Variants in SPSB3 observed in about 807,000 individuals in gnomAD.
SPSB3 encodes the protein SPRY domain-containing SOCS box protein 3.
SPSB3 carries 18 observed loss-of-function variants against 29.5 expected under a neutral mutation model. The ratio of observed to expected loss-of-function variants is 0.61; its 90% confidence interval spans 0.42 to 0.91. SPSB3 has a LOEUF of 0.91. SPSB3 is among the 40% of genes least tolerant of loss of function. The pLI, the probability that SPSB3 is intolerant of heterozygous loss-of-function variation, is 0.00. For synonymous variants in SPSB3, 299 were observed against 214.1 expected, an observed-to-expected ratio of 1.40 and a Z score of -3.46; for missense variants, 540 against 507.5, an observed-to-expected ratio of 1.06 and a Z score of -0.61.
At chr16:1,778,411 G>C (rs1278545489) in intron 3 of SPSB3, 24 bp downstream of exon 3, 11 of 1,605,654 alleles carry the variant, frequency 6.9e-6, no homozygotes, top group Non-Finnish European at 9.4e-6. Context: ...TGCAGTCCCA[G>C]CAGGGGCTGG....
rs1431168498 is a variant in SPSB3, at chr16:1,781,501, A to T, written c.-12-6T>A. On this transcript the variant is annotated splice_polypyrimidine_tract_variant and splice_region_variant and intron_variant, in intron 1 of 6. Transcript: ENST00000566339. ...CTGGCCATGGTGGAAAGAATCTAGA[A>T]GAAAACACAGGCTCTGGGCAAAGGA... 1 of 1,610,506 alleles carries T rather than the reference A, an allele frequency of 6.2e-7. No homozygotes were observed.
Position 1,777,830 on chromosome 16 carries a change from C to G in SPSB3, c.638G>C (p.Arg213Pro). The change falls in exon 6 of 7, where the codon CGG (arginine) becomes CCG (proline). Residue 213 changes from arginine (R) to proline (P), a missense_variant. By Grantham distance (103) the Arg-to-Pro change is moderately radical. Coordinates refer to ENST00000566339, the MANE Select transcript of SPSB3 (RefSeq NM_080861.4). ...HKGDKTSFSS[R>P]FGQGSIIGVH... ...GCCAATGATGGAGCCCTGGCCGAAC[C>G]GCGATGAGAAGCTGGTCTTGTCGCC... 1 of 1,612,832 alleles carries G rather than the reference C, an allele frequency of 6.2e-7. No individual in the cohort carries two copies. Among genetic ancestry groups the G allele is most frequent in the Non-Finnish European group, 8.5e-7 (1 of 1,179,880 alleles).
rs140852942 is a variant in SPSB3, at chr16:1,777,107, C to T, written c.1058G>A (p.Arg353His). Reference sequence around the variant, plus strand: ...CCACTGGGAAGTCAGTCAGGTCCGGCGGCAGCGCTTCCTCTGGCAGGGCCG... The same window carrying T: ...CCACTGGGAAGTCAGTCAGGTCCGGTGGCAGCGCTTCCTCTGGCAGGGCCG... Reference protein sequence around the residue: ...EPRPCQRKRCRRT With the variant: ...EPRPCQRKRCHRT Residue 353 changes from arginine to histidine, a missense_variant, in exon 7 of 7, where the codon CGC (arginine) becomes CAC (histidine). Physicochemically the swap from Arg to His is conservative, Grantham distance 29 (BLOSUM62 0). Transcript: ENST00000566339. 1.7e-5 allele frequency: 28 copies of T among 1,610,766 alleles called. No individual in the cohort carries two copies. In the African/African-American group the frequency reaches 2.8e-4, roughly 16 times the overall value.
Position 1,778,535 on chromosome 16 carries a change from C to A in SPSB3, c.204G>T (p.Glu68Asp). Reference protein sequence around the residue: ...SIPSAVPVTGESFCDCAGQSE... With the variant: ...SIPSAVPVTGDSFCDCAGQSE... Reference sequence around the variant, plus strand: ...TCTGCCCAGCACAGTCACAGAAGGACTCGCCGGTCACGGGCACCGCACTGG... The same window carrying A: ...TCTGCCCAGCACAGTCACAGAAGGAATCGCCGGTCACGGGCACCGCACTGG... The change falls in exon 3 of 7, where the codon GAG (glutamate) becomes GAT (aspartate). Residue 68 changes from glutamate to aspartate, a missense_variant. Transcript: ENST00000566339. 1.2e-6 allele frequency: 2 copies of A among 1,609,472 alleles called. No homozygotes were observed. Among genetic ancestry groups the A allele is most frequent in the Non-Finnish European group, 1.7e-6 (2 of 1,177,608 alleles).
chr16:1,777,533 G>A lies in SPSB3; in HGVS notation c.722-90C>T, dbSNP rs2042732537. On this transcript the variant is annotated intron_variant, in intron 6 of 6. Coordinates refer to ENST00000566339, the MANE Select transcript of SPSB3 (RefSeq NM_080861.4). Reference sequence around the variant, plus strand: ...TCAGACCTCACGCTACAGTCACCCGGGTGGGCAGCTGGCACAGCTGAGGCA... The same window carrying A: ...TCAGACCTCACGCTACAGTCACCCGAGTGGGCAGCTGGCACAGCTGAGGCA... 6.5e-6 allele frequency: 9 copies of A among 1,390,122 alleles called. No individual in the cohort carries two copies. In the South Asian group the frequency reaches 1.2e-4, roughly 18 times the overall value. The allele number at this position is 1,390,122 out of a possible 1,614,324, so 86.1% of individuals were successfully genotyped here. A position where few individuals can be genotyped will look rare whatever the true frequency, so the allele number is the denominator to read the frequency against.
At chr16:1,778,642 T>A (rs2042750615) in intron 2 of SPSB3, 30 bp from the exon 3 acceptor site, 1 of 1,523,960 alleles carries the variant, frequency 6.6e-7, no homozygotes, top group Non-Finnish European at 8.8e-7. Flanking sequence ...TGTTACTACC[T>A]GTTGCCCGCT....
In SPSB3 at chr16:1,777,189, C is replaced by A; in HGVS notation, c.976G>T (p.Ala326Ser). Residue 326 changes from alanine to serine, a missense_variant, in exon 7 of 7, where the codon GCT becomes TCT. By Grantham distance (99) the Ala-to-Ser change is moderately conservative. Transcript: ENST00000566339. The part of the protein sequence containing the change: ...VLSMSCSRRK[A>S]PVSDPQAATS... Reference sequence around the variant, plus strand: ...GCTGCCTGGGGATCGGACACTGGAGCCTTGCGGCGGCTGCAACTCATGCTC... The same window carrying A: ...GCTGCCTGGGGATCGGACACTGGAGACTTGCGGCGGCTGCAACTCATGCTC... The A allele has an allele frequency of 6.2e-7, 1 of 1,610,652 alleles. No homozygotes were observed.
intron 1 of SPSB3, 189 bp from the exon 2 acceptor site, chr16:1,781,684 T>C (rs1422250694): frequency 6.6e-6 from 4 of 606,462 alleles, no homozygotes; most frequent in African/African-American, 1.9e-5. Context: ...AAAACCCAGG[T>C]AGATCCTGTG....
At position 1,777,059 on chromosome 16, in the gene SPSB3, T is replaced by G; in HGVS notation, c.*38A>C. 6.3e-7 allele frequency: 1 copy of G among 1,592,472 alleles called. No homozygotes were observed. Among genetic ancestry groups the G allele is most frequent in the Non-Finnish European group, 8.6e-7 (1 of 1,167,756 alleles). ...GAAAGAAGGGACAGAGGAAAGGGGCTGTCCCAGCCCAAGAAGGCAGTTCCA... is the reference window on the plus strand; with the variant it reads ...GAAAGAAGGGACAGAGGAAAGGGGCGGTCCCAGCCCAAGAAGGCAGTTCCA... On this transcript the variant is annotated 3_prime_UTR_variant, in exon 7 of 7. Coordinates refer to ENST00000566339, the MANE Select transcript of SPSB3 (RefSeq NM_080861.4).
chr16:1,780,802 G>A (rs113818102), intron 2 of SPSB3: 7,870 of 248,296 alleles, frequency 0.032, 232 homozygotes, highest in African/African-American at 0.077. Context: ...GTGTGATCAC[G>A]GCTCACTGCA....
rs201090527 is a variant in SPSB3 at position 1,781,466 on chromosome 16, C to T, written c.18G>A (p.Arg6=). The T allele has an allele frequency of 3.5e-4, 567 of 1,612,624 alleles. No individual in the cohort carries two copies. The highest frequency in any genetic ancestry group is 1.5e-3 in the Admixed American group (90 of 60,014). The part of the protein sequence containing the change: MARRP[R]NSRAWHFVLS... ...GGACGAAGTGCCAGGCCCTGCTGTTCCGGGGGCGTCTGGCCATGGTGGAAA... is the reference window on the plus strand; with the variant it reads ...GGACGAAGTGCCAGGCCCTGCTGTTTCGGGGGCGTCTGGCCATGGTGGAAA... The change falls in exon 2 of 7, where the codon CGG becomes CGA. Residue 6 remains arginine (R), a synonymous_variant. Coordinates refer to ENST00000566339, the MANE Select transcript of SPSB3 (RefSeq NM_080861.4).
At chr16:1,781,600 C>G in intron 1 of SPSB3, 105 bp from the exon 2 acceptor site, 1 of 1,255,004 alleles carries the variant, frequency 8.0e-7, no homozygotes, top group Non-Finnish European at 1.1e-6. Context: ...CTGCAGGGGC[C>G]GCACCGGTGC....
rs1034962952 is a variant in SPSB3 at position 1,776,979 on chromosome 16, C to G, written c.*118G>C. ...CCTCGGGAGCAAGAGATGGCTCCCT[C>G]CGGACGGGCCTCATCCAACTCCGCC... On this transcript the variant is annotated 3_prime_UTR_variant, in exon 7 of 7. Transcript: ENST00000566339. The G allele has an allele frequency of 1.7e-6, 2 of 1,200,164 alleles. No individual in the cohort carries two copies. The highest frequency in any genetic ancestry group is 1.5e-5 in the African/African-American group (1 of 65,808). The allele number at this position is 1,200,164 out of a possible 1,614,324, so 74.3% of individuals were successfully genotyped here.
Position 1,776,926 on chromosome 16 carries a change from A to G in SPSB3, c.*171T>C. On this transcript the variant is annotated 3_prime_UTR_variant, in exon 7 of 7. Transcript: ENST00000566339. ...CCCAGCACAGCAGCAGAGGGGCCCT[A>G]GAGCCCCCACAGAAAGGACTGTCCC... 1 of 746,856 alleles carries G rather than the reference A, an allele frequency of 1.3e-6. No homozygotes were observed. Among genetic ancestry groups the G allele is most frequent in the Non-Finnish European group, 2.1e-6 (1 of 472,160 alleles). The allele number at this position is 746,856 out of a possible 1,614,324, so 46.3% of individuals were successfully genotyped here.
rs943548324 is a variant in SPSB3, at chr16:1,778,011, T to C, written c.530A>G (p.Lys177Arg). Residue 177 changes from lysine to arginine, a missense_variant, in exon 5 of 7, where the codon AAA (lysine) becomes AGA (arginine). Lys to Arg is a conservative substitution (Grantham distance 26). Transcript: ENST00000566339. Reference protein sequence around the residue: ...GIGTSDVDLDKYRHTFCSLLG... With the variant: ...GIGTSDVDLDRYRHTFCSLLG... The stretch of plus-strand genomic sequence containing the variant: ...CAGGCTGCAGAACGTGTGGCGGTAT[T>C]TGTCCAGGTCCACATCCGACGTCCC... The C allele has an allele frequency of 6.2e-7, 1 of 1,613,058 alleles. No homozygotes were observed. Among genetic ancestry groups the C allele is most frequent in the African/African-American group, 1.3e-5 (1 of 74,888 alleles).
Position 1,777,971 on chromosome 16 carries a change from C to A in SPSB3, c.570G>T (p.Glu190Asp). The A allele has an allele frequency of 6.2e-7, 1 of 1,613,056 alleles. No homozygotes were observed. Residue 190 changes from glutamate to aspartate, a missense_variant, in exon 5 of 7, where the codon GAG becomes GAT. By Grantham distance (45) the Glu-to-Asp change is conservative (BLOSUM62 2). Coordinates refer to ENST00000566339, the MANE Select transcript of SPSB3 (RefSeq NM_080861.4). ...HTFCSLLGRD[E>D]DSWGLSYTGL... ...CCGTGTAGGAGAGGCCCCAGCTGTC[C>A]TCATCCCTGCCCAGCAGGCTGCAGA...
chr16:1,777,337 G>A lies in SPSB3; in HGVS notation c.828C>T (p.Ser276=), dbSNP rs772478750. 4 of 1,608,524 alleles carry A rather than the reference G, an allele frequency of 2.5e-6. No individual in the cohort carries two copies. In the South Asian group the frequency reaches 3.3e-5, roughly 13 times the overall value. ...GGCGGTGGCAGCACAGGTACTGGAG[G>A]GAAGTGGCGCTGGCACAGGAGCGGG... ...KVTRSCASAT[S]LQYLCCHRLR... The change falls in exon 7 of 7, where the codon TCC becomes TCT. Residue 276 remains serine (S), a synonymous_variant. Coordinates refer to ENST00000566339, the MANE Select transcript of SPSB3 (RefSeq NM_080861.4).
At chr16:1,778,770 C>T (rs1340845757) in intron 2 of SPSB3, 158 bp from the exon 3 acceptor site, 3 of 769,464 alleles carry the variant, frequency 3.9e-6, no homozygotes, top group Non-Finnish European at 5.8e-6. Context: ...ACAGCCCAGG[C>T]TCCCTCCCAA....
At position 1,777,123 on chromosome 16, in the gene SPSB3, G is replaced by C; in HGVS notation, c.1042C>G (p.Gln348Glu). The C allele has an allele frequency of 6.2e-7, 1 of 1,611,482 alleles. No individual in the cohort carries two copies. Among genetic ancestry groups the C allele is most frequent in the Non-Finnish European group, 8.5e-7 (1 of 1,179,428 alleles). The change falls in exon 7 of 7, where the codon CAG becomes GAG. Residue 348 changes from glutamine to glutamate, a missense_variant. Transcript: ENST00000566339. ...HPSSREPRPC[Q>E]RKRCRRT ...CAGGTCCGGCGGCAGCGCTTCCTCT[G>C]GCAGGGCCGAGGCTCGCGACTGCTG...
Sources: gnomAD v4.1 joint callset for allele counts on GRCh38, gnomAD v4.1.1 for gene constraint, MANE v1.5 for transcripts, NCBI Gene and HGNC (gene_info 2026-07-23, HGNC 2026-07-21) for gene names.